Variants in DNAAF4 observed in about 807,000 individuals in gnomAD.
The protein encoded by DNAAF4 is dynein assembly factor 4, axonemal.
Under a neutral mutation model 51.8 loss-of-function variants are expected in DNAAF4, and 43 were observed. The ratio of observed to expected loss-of-function variants is 0.83; its 90% confidence interval spans 0.65 to 1.07. The LOEUF is 1.07. DNAAF4 is among the 50% of genes least tolerant of loss of function. The pLI is 0.00. For synonymous variants in DNAAF4, 194 were observed against 165.6 expected, an observed-to-expected ratio of 1.17 and a Z score of -1.32; for missense variants, 581 against 493.0, an observed-to-expected ratio of 1.18 and a Z score of -1.69.
chr15:55,454,428 A>G (rs113165412), intron 5 of DNAAF4, among the ~76,000 whole-genome samples: 4 of 151,914 alleles, frequency 2.6e-5, no homozygotes, highest in African/African-American at 9.6e-5. Context: ...CCCAGGCTAG[A>G]GTGCAGTGGC....
In DNAAF4 at chr15:55,430,919, A is replaced by T. The variant is rs865880440; in HGVS notation, c.1154-140T>A. ...GTACCAAGTTTTAAATTAGATTCCC[A>T]TCTTTTTTTTTTGAGACAGAGTCTC... On this transcript the variant is annotated intron_variant, in intron 9 of 9. Transcript: ENST00000321149. The T allele has an allele frequency of 9.4e-6, 6 of 638,316 alleles. No individual in the cohort carries two copies. The African/African-American group carries it at 9.6e-5, about 10-fold the overall frequency. 39.5% of individuals were successfully genotyped at this position (638,316 alleles called of 1,614,324 possible).
chr15:55,442,526 G>C, intron 6 of DNAAF4: 1 of 803,890 alleles, frequency 1.2e-6, no homozygotes, highest in South Asian at 1.4e-5. Flanking sequence ...GGTCACTCTT[G>C]GCAGGCTTCT....
At chr15:55,502,819 C>A (rs2058706646) in intron 1 of DNAAF4, among the ~76,000 whole-genome samples, 1 of 152,052 alleles carries the variant, frequency 6.6e-6, no homozygotes, top group Non-Finnish European at 1.5e-5. Context: ...CAAAAGAAAG[C>A]AGGAAAGATC....
chr15:55,485,236 A>C (rs1567029572), intron 4 of DNAAF4, among the ~76,000 whole-genome samples: 2 of 152,242 alleles, frequency 1.3e-5, no homozygotes, highest in Non-Finnish European at 1.5e-5. Flanking sequence ...GCTGCTGAGA[A>C]AGTCTGACAT....
intron 5 of DNAAF4, among the ~76,000 whole-genome samples, chr15:55,466,719 A>G (rs1452484693): frequency 1.3e-5 from 2 of 152,206 alleles, no homozygotes; most frequent in Non-Finnish European, 2.9e-5. Context: ...CTTCTTTTCG[A>G]ATCCTTGAAC....
At chr15:55,483,682 A>G (rs1415366164) in intron 4 of DNAAF4, among the ~76,000 whole-genome samples, 3 of 151,650 alleles carry the variant, frequency 2.0e-5, no homozygotes, top group African/African-American at 7.3e-5. Flanking sequence ...CTGGGATTAC[A>G]AGTGCACACC....
At chr15:55,448,883 A>T (rs1053963238) in intron 6 of DNAAF4, among the ~76,000 whole-genome samples, 17 of 151,132 alleles carry the variant, frequency 1.1e-4, no homozygotes, top group East Asian at 7.8e-4. Context: ...AAATAATAAT[A>T]ATTATTATTA....
intron 4 of DNAAF4, among the ~76,000 whole-genome samples, chr15:55,469,320 G>A (rs1486846555): frequency 6.6e-6 from 1 of 150,436 alleles, no homozygotes. Flanking sequence ...ACAAGAGCGA[G>A]GCTCCTCTCA....
At position 55,484,052 on chromosome 15, in the gene DNAAF4, A is replaced by G. The variant is rs1176495785; in HGVS notation, c.405+7071T>C. ...AAACCACAATGAGATACCACTTCACACCCATTAGGATGGCTACTCTCAAAA... is the reference window on the plus strand; with the variant it reads ...AAACCACAATGAGATACCACTTCACGCCCATTAGGATGGCTACTCTCAAAA... On this transcript the variant is annotated intron_variant, in intron 4 of 9. Coordinates refer to ENST00000321149, the MANE Select transcript of DNAAF4 (RefSeq NM_130810.4). Among the ~76,000 whole-genome samples, 3 of 151,736 alleles carry G rather than the reference A, an allele frequency of 2.0e-5. No homozygotes were observed. The East Asian group carries it at 5.8e-4, about 29-fold the overall frequency.
intron 4 of DNAAF4, among the ~76,000 whole-genome samples, chr15:55,485,357 T>C (rs1219953836): frequency 6.6e-6 from 1 of 152,212 alleles, no homozygotes; most frequent in Admixed American, 6.5e-5. Context: ...AAGCAGTTCA[T>C]TGTGGTCTTT....
chr15:55,469,471 A>T (rs1217760381), intron 4 of DNAAF4, among the ~76,000 whole-genome samples: 33 of 70,380 alleles, frequency 4.7e-4, no homozygotes, highest in South Asian at 9.6e-4. Context: ...ATGCTTACCA[A>T]TTCTTTTTTT....
At position 55,498,387 on chromosome 15, in the gene DNAAF4, C is replaced by T; in HGVS notation, c.-58G>A. ...GTTGCTTCTTGCGCCTGCTTGGTTG[C>T]TAGGGAAGCTGGGGTTACCATGCGC... On this transcript the variant is annotated 5_prime_UTR_variant, in exon 2 of 10. Transcript: ENST00000321149. 1 of 1,572,614 alleles carries T rather than the reference C, an allele frequency of 6.4e-7. No individual in the cohort carries two copies. The highest frequency in any genetic ancestry group is 8.6e-7 in the Non-Finnish European group (1 of 1,156,190).
intron 4 of DNAAF4, among the ~76,000 whole-genome samples, chr15:55,482,759 T>G (rs2058430046): frequency 6.6e-6 from 1 of 152,182 alleles, no homozygotes; most frequent in Admixed American, 6.5e-5. Flanking sequence ...CTATTTGTAA[T>G]AGCCAAAAGG....
intron 1 of DNAAF4, among the ~76,000 whole-genome samples, chr15:55,502,426 C>A (rs2058704393): frequency 6.6e-6 from 1 of 152,140 alleles, no homozygotes; most frequent in Non-Finnish European, 1.5e-5. Flanking sequence ...TTTCCTATGA[C>A]TTTTCATTCT....
chr15:55,421,313 C>T (rs2057386371), intron 7 of DNAAF4, among the ~76,000 whole-genome samples: 1 of 151,818 alleles, frequency 6.6e-6, no homozygotes, highest in African/African-American at 2.4e-5. Flanking sequence ...CAAGCCTGGG[C>T]AACATGGTGA....
chr15:55,503,056 G>T (rs1295533434), intron 1 of DNAAF4, among the ~76,000 whole-genome samples: 1 of 151,924 alleles, frequency 6.6e-6, no homozygotes, highest in Non-Finnish European at 1.5e-5. Context: ...AAAGAGAAAA[G>T]AATCAAATAG....
downstream of DNAAF4, among the ~76,000 whole-genome samples, chr15:55,427,740 A>AT (rs1180763295): frequency 6.6e-6 from 1 of 151,608 alleles, no homozygotes. Context: ...GGTTCAAGGG[A>AT]TTCTCCTGCC....
chr15:55,501,330 G>A (rs1167373865), intron 1 of DNAAF4, among the ~76,000 whole-genome samples: 3 of 150,162 alleles, frequency 2.0e-5, no homozygotes, highest in Non-Finnish European at 4.4e-5. Context: ...CCAAAGTGCT[G>A]GGATTACAGG....
chr15:55,459,114 A>G (rs1202888430), intron 5 of DNAAF4, among the ~76,000 whole-genome samples: 1 of 151,492 alleles, frequency 6.6e-6, no homozygotes, highest in African/African-American at 2.4e-5. Flanking sequence ...CAAAAGCACC[A>G]GGTAATCTAT....
Sources: gnomAD v4.1 joint callset for allele counts (sites outside exome capture counted in the v4.1 genomes callset) on GRCh38, gnomAD v4.1.1 for gene constraint, MANE v1.5 for transcripts, NCBI Gene and HGNC (gene_info 2026-07-23, HGNC 2026-07-21) for gene names.